PFKFB3: variants seen among roughly 807,000 people sequenced by gnomAD.
The protein encoded by PFKFB3 is 6-phosphofructo-2-kinase/fructose-2,6-bisphosphatase 3.
In PFKFB3, 33 loss-of-function variants were observed where a neutral mutation model predicts 68.0. The ratio of observed to expected loss-of-function variants is 0.49; its 90% CI spans 0.37 to 0.65. The LOEUF is 0.65. Among genes scored for constraint, PFKFB3 ranks in the 30% least tolerant of loss-of-function variants. PFKFB3 has a pLI of 0.00. For missense variants in PFKFB3, 586 were observed against 712.2 expected, an observed-to-expected ratio of 0.82 and a Z score of 2.02; for synonymous variants, 315 against 288.2, an observed-to-expected ratio of 1.09 and a Z score of -0.94.
chr10:6,233,149 C>T lies in PFKFB3; in HGVS notation c.*207C>T. 1.8e-6 allele frequency: 1 copy of T among 555,150 alleles called. No individual in the cohort carries two copies. The highest frequency in any genetic ancestry group is 3.0e-5 in the East Asian group (1 of 33,336). The allele number at this position is 555,150 out of a possible 1,614,324, so 34.4% of individuals were successfully genotyped here. On this transcript the variant is annotated 3_prime_UTR_variant, in exon 15 of 15. Coordinates refer to ENST00000379775, the MANE Select transcript of PFKFB3 (RefSeq NM_004566.4). Reference sequence around the variant, plus strand: ...CAGAAAGCCACGTGGGTCCCTGGCGCCCTGCCTTTAGCCGTGGGGCCCCCA... The same window carrying T: ...CAGAAAGCCACGTGGGTCCCTGGCGTCCTGCCTTTAGCCGTGGGGCCCCCA...
intron 1 of PFKFB3, among the ~76,000 whole-genome samples, chr10:6,177,442 T>C (rs555513984): frequency 1.3e-4 from 14 of 108,012 alleles, no homozygotes; most frequent in African/African-American, 3.1e-4. Context: ...TTCTTTCTCT[T>C]TCTTTCTTTC....
At chr10:6,235,571 AAG>A (rs1845985947), downstream of PFKFB3, 1 of 152,302 alleles carries the variant, frequency 6.6e-6, no homozygotes, top group African/African-American at 2.4e-5. Flanking sequence ...TGGGGGAAAG[AAG>A]AGTCTTTAAT....
intron 14 of PFKFB3, among the ~76,000 whole-genome samples, chr10:6,230,041 A>G (rs1028154955): frequency 2.0e-5 from 3 of 152,130 alleles, no homozygotes; most frequent in African/African-American, 7.2e-5. Context: ...ACGTGGCCTC[A>G]TGTTGCCAGG....
chr10:6,189,062 A>G lies in PFKFB3; in HGVS notation c.17-24561A>G, dbSNP rs185060730. ...CACTGTGTTAGCCAGGATGGTCTCG[A>G]TCTCCTGACCTCGTGATCCGCCCGC... is the stretch of plus-strand genomic sequence containing the variant. On this transcript the variant is annotated intron_variant, in intron 1 of 14. Transcript: ENST00000379789. Among the ~76,000 whole-genome samples the G allele has an allele frequency of 4.5e-3, 682 of 152,116 alleles. 1 individual carries two copies. The highest frequency in any genetic ancestry group is 8.3e-3 in the Admixed American group (127 of 15,286).
At chr10:6,151,719 C>A (rs538413661) in intron 1 of PFKFB3, among the ~76,000 whole-genome samples, 1 of 152,138 alleles carries the variant, frequency 6.6e-6, no homozygotes, top group Non-Finnish European at 1.5e-5. Context: ...CGGGAGGGTA[C>A]CCTCCCCGCT....
the PFKFB3 span, among the ~76,000 whole-genome samples, chr10:6,262,268 C>T: frequency 1.3e-5 from 2 of 151,516 alleles, no homozygotes; most frequent in Non-Finnish European, 2.9e-5. Context: ...TCCTGGCTAA[C>T]ATGGTGAAAC....
chr10:6,237,083 C>G (rs1225107436), downstream of PFKFB3, among the ~76,000 whole-genome samples: 1 of 152,230 alleles, frequency 6.6e-6, no homozygotes, highest in Non-Finnish European at 1.5e-5. Context: ...GCAGGGCCTT[C>G]GAGAGTGCCG....
the PFKFB3 span, among the ~76,000 whole-genome samples, chr10:6,302,864 C>T: frequency 6.6e-6 from 1 of 151,820 alleles, no homozygotes. Flanking sequence ...AGAAAGTCAT[C>T]TTTGAAATTT....
At chr10:6,293,015 A>G in the PFKFB3 span, 3 of 296,260 alleles carry the variant, frequency 1.0e-5, no homozygotes, top group East Asian at 1.9e-4. Context: ...TGCTGGCCCC[A>G]GAAAGCCTCA....
At chr10:6,240,720 A>G (rs562647556) in intron 14 of PFKFB3, among the ~76,000 whole-genome samples, 1 of 152,198 alleles carries the variant, frequency 6.6e-6, no homozygotes, top group South Asian at 2.1e-4. Context: ...TAGTAACAAA[A>G]CTACAGACTT....
chr10:6,221,309 C>A (rs35364998), intron 8 of PFKFB3, 72 bp from the exon 9 acceptor site: 162,286 of 1,572,068 alleles, frequency 0.1, 9,155 homozygotes, highest in Admixed American at 0.17. Flanking sequence ...ACGTGGGCTG[C>A]CTGCTCCAGC....
intron 14 of PFKFB3, chr10:6,254,071 T>A (rs1318628555): frequency 2.5e-6 from 1 of 393,058 alleles, no homozygotes; most frequent in Admixed American, 4.5e-5. Context: ...ATGGAGGGTC[T>A]TTTTCATCCA....
chr10:6,183,985 T>C (rs1247139673), intron 1 of PFKFB3, among the ~76,000 whole-genome samples: 3 of 151,700 alleles, frequency 2.0e-5, no homozygotes, highest in African/African-American at 4.8e-5. Flanking sequence ...CCACCGCGCC[T>C]GGCCTCAAAG....
rs1539232 is a variant in PFKFB3, at chr10:6,233,182, T to C, written c.*240T>C. 0.53 allele frequency: 273,028 copies of C among 519,214 alleles called. 74,875 individuals are homozygous for C. The highest frequency in any genetic ancestry group is 0.61 in the Middle Eastern group (1,172 of 1,918). The allele number at this position is 519,214 out of a possible 1,614,324, so 32.2% of individuals were successfully genotyped here. A position where few individuals can be genotyped will look rare whatever the true frequency, so the allele number is the denominator to read the frequency against. ...TTAGCCGTGGGGCCCCCACCTCCAC[T>C]CTCTGGGTTTCCTAGGAATGTCCAG... On this transcript the variant is annotated 3_prime_UTR_variant, in exon 15 of 15. Transcript: ENST00000379775.
chr10:6,231,225 C>A, intron 14 of PFKFB3: 2 of 1,296,492 alleles, frequency 1.5e-6, no homozygotes, highest in African/African-American at 1.5e-5. Flanking sequence ...TTTTCCTTTT[C>A]CAACCTGTTT....
Position 6,196,075 on chromosome 10 carries a change from AGCCAAGGCACATGAGACAGCACGG to A in PFKFB3, c.17-17545_17-17522del, listed in dbSNP as rs565045043. On this transcript the variant is annotated intron_variant, in intron 1 of 14. Transcript: ENST00000379789. ...GGGAGAGGGCGGGAGAGATATTGAGAGCCAAGGCACATGAGACAGCACGGGCAGCAGGGTGCTGCCTCGTGAGCT... is the reference window on the plus strand; with the variant it reads ...GGGAGAGGGCGGGAGAGATATTGAGAGCAGCAGGGTGCTGCCTCGTGAGCT... Among the ~76,000 whole-genome samples, 265 of 151,502 alleles carry A rather than the reference AGCCAAGGCACATGAGACAGCACGG, an allele frequency of 1.7e-3. 1 individual carries two copies. The highest frequency in any genetic ancestry group is 6.0e-3 in the African/African-American group (246 of 41,296).
intron 1 of PFKFB3, among the ~76,000 whole-genome samples, chr10:6,151,124 G>A (rs1841565862): frequency 6.6e-6 from 1 of 152,144 alleles, no homozygotes. Flanking sequence ...CACAGGGAGG[G>A]AGCCCCAGTC....
intron 1 of PFKFB3, among the ~76,000 whole-genome samples, chr10:6,176,060 A>G (rs1325130052): frequency 6.6e-6 from 1 of 152,250 alleles, no homozygotes; most frequent in Admixed American, 6.5e-5. Context: ...CCAAACGGAA[A>G]GAATGCAACG....
At chr10:6,227,820 C>G (rs1268667222) in intron 14 of PFKFB3, among the ~76,000 whole-genome samples, 1 of 152,224 alleles carries the variant, frequency 6.6e-6, no homozygotes, top group Non-Finnish European at 1.5e-5. Flanking sequence ...TTGCAGGTCT[C>G]AGATCTGAGG....
Sources: gnomAD v4.1 joint callset for allele counts (sites outside exome capture counted in the v4.1 genomes callset) on GRCh38, gnomAD v4.1.1 for gene constraint, MANE v1.5 for transcripts, NCBI Gene and HGNC (gene_info 2026-07-23, HGNC 2026-07-21) for gene names.